Variants in PRMT2 observed in about 807,000 individuals in gnomAD.
The protein encoded by PRMT2 is protein arginine N-methyltransferase 2.
PRMT2 carries 26 observed loss-of-function variants against 57.6 expected under a neutral mutation model. That is an observed-to-expected ratio of 0.45 (90% CI 0.33 to 0.63). PRMT2 has a LOEUF of 0.63. Among genes scored for constraint, PRMT2 ranks in the 20% least tolerant of loss-of-function variants. The probability of loss-of-function intolerance (pLI) is 0.02; values close to 1 mark genes in which losing one functional copy is unlikely to be tolerated. For synonymous variants in PRMT2, 219 were observed against 220.0 expected (o/e 1.00, Z 0.04); for missense variants, 472 against 564.4 (o/e 0.84, Z 1.66).
intron 7 of PRMT2, chr21:46,652,079 G>A (rs1207962775): frequency 3.2e-6 from 5 of 1,584,268 alleles, no homozygotes; most frequent in Non-Finnish European, 4.3e-6. Context: ...GCAGCTTTCA[G>A]TCAGTGCAGC....
At chr21:46,660,247 G>T in intron 8 of PRMT2, 5 of 802,478 alleles carry the variant, frequency 6.2e-6, no homozygotes, top group Non-Finnish European at 7.5e-6. Flanking sequence ...GGCAAACGGT[G>T]ACATGCAGGG....
chr21:46,658,656 C>CA, intron 7 of PRMT2, 89 bp from the exon 8 acceptor site: 1 of 1,556,882 alleles, frequency 6.4e-7, no homozygotes, highest in South Asian at 1.2e-5. Flanking sequence ...GTAGAACTGT[C>CA]AGACTAGTGT....
intron 7 of PRMT2, chr21:46,651,927 T>C (rs375720954): frequency 1.3e-4 from 216 of 1,613,146 alleles, no homozygotes; most frequent in Non-Finnish European, 1.8e-4. Flanking sequence ...CTTCATGTCC[T>C]CCTTGCCTGC....
intron 5 of PRMT2, among the ~76,000 whole-genome samples, chr21:46,644,775 A>C (rs2061335660): frequency 6.6e-6 from 1 of 152,214 alleles, no homozygotes; most frequent in Non-Finnish European, 1.5e-5. Context: ...AATCATTTAA[A>C]AATGTAAAAC....
chr21:46,661,077 C>CT, intron 9 of PRMT2, 115 bp downstream of exon 9: 1 of 1,017,478 alleles, frequency 9.8e-7, no homozygotes, highest in South Asian at 2.1e-5. Context: ...GAGTGAATAA[C>CT]TAATTATTTT....
intron 10 of PRMT2, among the ~76,000 whole-genome samples, chr21:46,662,277 C>T (rs2061641405): frequency 6.6e-6 from 1 of 152,214 alleles, no homozygotes. Context: ...CACGGGGCGT[C>T]GGGGTTCACC....
chr21:46,636,637 CAG>C (rs1475098351), intron 2 of PRMT2, 90 bp downstream of exon 2: 3 of 337,384 alleles, frequency 8.9e-6, no homozygotes, highest in Non-Finnish European at 1.6e-5. Flanking sequence ...CCTGATCTAA[CAG>C]AAACTAACAG....
At position 46,649,935 on chromosome 21, in the gene PRMT2, T is replaced by C. The variant is rs775697013; in HGVS notation, c.654+196T>C. 6.9e-7 allele frequency: 1 copy of C among 1,449,338 alleles called. No homozygotes were observed. Among genetic ancestry groups the C allele is most frequent in the Non-Finnish European group, 9.1e-7 (1 of 1,098,378 alleles). The allele number at this position is 1,449,338 out of a possible 1,614,324, so 89.8% of individuals were successfully genotyped here. A position where few individuals can be genotyped will look rare whatever the true frequency, so the allele number is the denominator to read the frequency against. Reference sequence around the variant, plus strand: ...TTTCACCTGATTTAAAAAATGCCTTTATGAGAAATTTAAGTCAAAGTTCAT... The same window carrying C: ...TTTCACCTGATTTAAAAAATGCCTTCATGAGAAATTTAAGTCAAAGTTCAT... On this transcript the variant is annotated intron_variant, in intron 7 of 11. Transcript: ENST00000355680. This position sits in a 1 kb window ranked among gnomAD's most constrained non-coding sequence, Gnocchi z 4.8.
intron 5 of PRMT2, 138 bp downstream of exon 5, chr21:46,644,626 G>A: frequency 1.2e-6 from 1 of 811,566 alleles, no homozygotes; most frequent in Admixed American, 3.6e-5. Flanking sequence ...CTCTGACATG[G>A]TTGTGTGGAA....
At chr21:46,645,522 A>G (rs955255678) in intron 5 of PRMT2, among the ~76,000 whole-genome samples, 4 of 152,160 alleles carry the variant, frequency 2.6e-5, no homozygotes, top group South Asian at 2.1e-4. Flanking sequence ...TTTCCCCACC[A>G]TGGAGAAATG....
chr21:46,645,083 C>A (rs902916150), intron 5 of PRMT2, among the ~76,000 whole-genome samples: 1 of 146,264 alleles, frequency 6.8e-6, no homozygotes. Flanking sequence ...AAATATAATT[C>A]GTCTCTACAA....
At chr21:46,661,779 C>G in intron 9 of PRMT2, 21 bp from the exon 10 acceptor site, 1 of 1,356,104 alleles carries the variant, frequency 7.4e-7, no homozygotes, top group Non-Finnish European at 9.6e-7. Context: ...CCACGCGTGC[C>G]TTGTCATCTG....
intron 11 of PRMT2, 88 bp from the exon 12 acceptor site, chr21:46,664,207 C>T: frequency 8.4e-7 from 1 of 1,194,074 alleles, no homozygotes; most frequent in South Asian, 1.2e-5. Context: ...ATACTGTTCT[C>T]TTGTCCAATA....
rs957456162 is a variant in PRMT2, at chr21:46,648,118, T to C, written c.328-340T>C. On this transcript the variant is annotated intron_variant, in intron 5 of 11. Coordinates refer to ENST00000355680, the MANE Select transcript of PRMT2 (RefSeq NM_206962.4). The surrounding 1 kb of genome is among the most constrained non-coding windows in gnomAD (Gnocchi z 4.8). The stretch of plus-strand genomic sequence containing the variant: ...TGGGAGAGCTGACATCTTTATAACA[T>C]TGACTCTCAGTCTCTGATTACTTAA... Among the ~76,000 whole-genome samples the C allele has an allele frequency of 6.6e-6, 1 of 152,218 alleles. No homozygotes were observed. The highest frequency in any genetic ancestry group is 1.5e-5 in the Non-Finnish European group (1 of 68,030).
intron 1 of PRMT2, chr21:46,636,013 C>CCACGCCCACCCCACCACCATCTCTGT (rs1355842130): frequency 2.0e-5 from 3 of 153,124 alleles, no homozygotes; most frequent in African/African-American, 7.2e-5. Context: ...CCTTCTACGG[C>CCACGCCCACCCCACCACCATCTCTGT]CACGCCCACC....
chr21:46,656,199 T>G (rs934230537), intron 7 of PRMT2, among the ~76,000 whole-genome samples: 1 of 152,206 alleles, frequency 6.6e-6, no homozygotes, highest in Non-Finnish European at 1.5e-5. Context: ...GCTCCCACCC[T>G]GTGGTCTCTG....
Position 46,651,833 on chromosome 21 carries a change from C to T in PRMT2, c.654+2094C>T, listed in dbSNP as rs545645082. On this transcript the variant is annotated intron_variant, in intron 7 of 11. Transcript: ENST00000355680. ...TGCGCCTCTCCTGAGCTGCCGCATT[C>T]TCCCCTGCACCTGTGCGTCTGGCCC... is the stretch of plus-strand genomic sequence containing the variant. The T allele has an allele frequency of 6.6e-4, 1,065 of 1,612,828 alleles. 18 individuals are homozygous for T. The South Asian group carries it at 0.011, about 17-fold the overall frequency.
chr21:46,651,404 T>C (rs928864587), intron 7 of PRMT2, among the ~76,000 whole-genome samples: 2 of 149,962 alleles, frequency 1.3e-5, no homozygotes, highest in East Asian at 2.0e-4. Flanking sequence ...GCCCATCCGA[T>C]GTGCAGGGCC....
Position 46,664,656 on chromosome 21 carries a change from C to T in PRMT2, c.*329C>T, listed in dbSNP as rs1003168298. On this transcript the variant is annotated 3_prime_UTR_variant, in exon 12 of 12. Coordinates refer to ENST00000355680, the MANE Select transcript of PRMT2 (RefSeq NM_206962.4). ...TTCCTAAGCTAGGTCTAGGTCTACA[C>T]TCCTAGGACGCACGCATATCAGCCC... 1 of 410,908 alleles carries T rather than the reference C, an allele frequency of 2.4e-6. No homozygotes were observed. Among genetic ancestry groups the T allele is most frequent in the African/African-American group, 2.0e-5 (1 of 50,040 alleles). The allele number at this position is 410,908 out of a possible 1,614,324, so 25.5% of individuals were successfully genotyped here.
Sources: gnomAD v4.1 joint callset for allele counts (sites outside exome capture counted in the v4.1 genomes callset) on GRCh38, gnomAD v4.1.1 for gene constraint, Gnocchi (gnomAD v3.1) non-coding constraint, MANE v1.5 for transcripts, NCBI Gene and HGNC (gene_info 2026-07-23, HGNC 2026-07-21) for gene names.